The following RGS7 variants were observed in gnomAD, a reference collection of about 807,000 sequenced individuals.
RGS7 encodes the protein regulator of G protein signaling 7.
In RGS7, 27 loss-of-function variants were observed where a neutral mutation model predicts 81.1. The ratio of observed to expected loss-of-function variants is 0.33; its 90% CI spans 0.25 to 0.46. RGS7 has a LOEUF of 0.46. RGS7 is among the 20% of genes least tolerant of loss of function. The pLI is 1.00. For synonymous variants in RGS7, 208 were observed against 207.7 expected (o/e 1.00, Z -0.01); for missense variants, 396 against 607.4 (o/e 0.65, Z 3.66).
chr1:241,269,064 T>C (rs960534981), intron 2 of RGS7, among the ~76,000 whole-genome samples: 1 of 152,250 alleles, frequency 6.6e-6, no homozygotes, highest in Non-Finnish European at 1.5e-5. Flanking sequence ...GAGATTCTGA[T>C]TAATTATACA....
intron 2 of RGS7, among the ~76,000 whole-genome samples, chr1:241,318,686 G>A (rs1455327818): frequency 6.6e-6 from 1 of 152,034 alleles, no homozygotes; most frequent in Admixed American, 6.6e-5. Flanking sequence ...ATGTTGGTCA[G>A]GCTGGTCTCG....
intron 2 of RGS7, among the ~76,000 whole-genome samples, chr1:241,108,086 A>T (rs2065245942): frequency 9.5e-6 from 1 of 105,072 alleles, no homozygotes; most frequent in Non-Finnish European, 1.7e-5. Context: ...CAAGGTCAGG[A>T]GTTTGAGACC....
At chr1:241,092,763 C>A (rs1261311956) in intron 3 of RGS7, among the ~76,000 whole-genome samples, 2 of 151,958 alleles carry the variant, frequency 1.3e-5, no homozygotes, top group Non-Finnish European at 2.9e-5. Context: ...TTCTCAGATG[C>A]CTCTTCAGGA....
At chr1:241,033,359 C>G (rs1172566040) in intron 3 of RGS7, among the ~76,000 whole-genome samples, 1 of 151,960 alleles carries the variant, frequency 6.6e-6, no homozygotes, top group Non-Finnish European at 1.5e-5. Flanking sequence ...TAAAAAAAAG[C>G]TGGCTGGGGG....
In RGS7 at chr1:241,258,776, A is replaced by G. The variant is rs563148489; in HGVS notation, c.78+96923T>C. On this transcript the variant is annotated intron_variant, in intron 2 of 18. Transcript: ENST00000440928. ...AGCAAAAATTCAGGAGGGAAAAACTATTCAGATGGTCTTCTACGGGAGGCA... is the reference window on the plus strand; with the variant it reads ...AGCAAAAATTCAGGAGGGAAAAACTGTTCAGATGGTCTTCTACGGGAGGCA... 2.0e-5 allele frequency among the ~76,000 whole-genome samples: 3 copies of G among 152,320 alleles called. No individual in the cohort carries two copies. The South Asian group carries it at 6.2e-4, about 32-fold the overall frequency.
At chr1:240,817,743 C>T (rs1217701027) in intron 10 of RGS7, among the ~76,000 whole-genome samples, 1 of 152,176 alleles carries the variant, frequency 6.6e-6, no homozygotes, top group Non-Finnish European at 1.5e-5. Context: ...GCTGAGATTA[C>T]AGGCACGTGC....
intron 2 of RGS7, among the ~76,000 whole-genome samples, chr1:241,132,831 C>T (rs891545847): frequency 2.6e-5 from 4 of 152,128 alleles, no homozygotes; most frequent in Non-Finnish European, 5.9e-5. Context: ...GGCACAATCT[C>T]GGCTCACTGC....
intron 9 of RGS7, among the ~76,000 whole-genome samples, chr1:240,860,917 C>T (rs1454707105): frequency 6.6e-6 from 1 of 152,172 alleles, no homozygotes; most frequent in Non-Finnish European, 1.5e-5. Flanking sequence ...CTAAAACAAA[C>T]TCACTGTTCC....
chr1:240,968,927 C>T (rs143557909), intron 4 of RGS7, among the ~76,000 whole-genome samples: 1 of 152,128 alleles, frequency 6.6e-6, no homozygotes, highest in Non-Finnish European at 1.5e-5. Flanking sequence ...GGGGGAAAAC[C>T]TAACTCATTC....
At position 241,221,009 on chromosome 1, in the gene RGS7, G is replaced by GA. The variant is rs1467688499; in HGVS notation, c.79-122248_79-122247insT. Reference sequence around the variant, plus strand: ...AGGAAGGAAGGAAGAGAGAGAGAAAGGAAGGAAGGAAGGAAGGAAGGAAGG... The same window carrying GA: ...AGGAAGGAAGGAAGAGAGAGAGAAAGAGAAGGAAGGAAGGAAGGAAGGAAGG... On this transcript the variant is annotated intron_variant, in intron 2 of 18. Coordinates refer to ENST00000440928, the MANE Select transcript of RGS7 (RefSeq NM_001364886.1). 1.9e-3 allele frequency among the ~76,000 whole-genome samples: 74 copies of GA among 39,464 alleles called. 1 individual carries two copies. Among genetic ancestry groups the GA allele is most frequent in the Middle Eastern group, 0.012 (1 of 84 alleles). The allele number at this position is 39,464 out of a possible 152,430, so 25.9% of individuals were successfully genotyped here. A position where few individuals can be genotyped will look rare whatever the true frequency, so the allele number is the denominator to read the frequency against.
chr1:241,266,194 C>G (rs535542978), intron 2 of RGS7, among the ~76,000 whole-genome samples: 1 of 152,094 alleles, frequency 6.6e-6, no homozygotes, highest in African/African-American at 2.4e-5. Flanking sequence ...TTGTGAGTCA[C>G]AAAAAAATCA....
At chr1:241,220,994 G>GAAGGAAGGAAGGAAGAAAGA (rs1553289421) in intron 2 of RGS7, among the ~76,000 whole-genome samples, 8 of 93,492 alleles carry the variant, frequency 8.6e-5, no homozygotes, top group South Asian at 4.4e-4. Context: ...AGGAAGGAAG[G>GAAGGAAGGAAGGAAGAAAGA]AAGAGAGAGA....
At chr1:240,783,874 G>A (rs1684548912) in intron 18 of RGS7, among the ~76,000 whole-genome samples, 1 of 151,896 alleles carries the variant, frequency 6.6e-6, no homozygotes, top group African/African-American at 2.4e-5. Context: ...TTTTATTGCT[G>A]TCATAAAAAC....
At chr1:240,947,828 T>C (rs1678896585) in intron 4 of RGS7, among the ~76,000 whole-genome samples, 1 of 152,238 alleles carries the variant, frequency 6.6e-6, no homozygotes, top group Admixed American at 6.5e-5. Flanking sequence ...TTACAAGATC[T>C]TATATGATCT....
chr1:241,171,478 G>A (rs537796819), intron 2 of RGS7, among the ~76,000 whole-genome samples: 17 of 152,140 alleles, frequency 1.1e-4, no homozygotes, highest in South Asian at 6.2e-4. Flanking sequence ...TAATTCAATA[G>A]ACTCATTTAT....
At chr1:241,111,606 C>T (rs561858668) in intron 2 of RGS7, among the ~76,000 whole-genome samples, 2 of 149,664 alleles carry the variant, frequency 1.3e-5, no homozygotes, top group East Asian at 1.9e-4. Context: ...CAAGACCCCC[C>T]CTCTCTACAA....
At chr1:241,087,214 C>A (rs1306375414) in intron 3 of RGS7, among the ~76,000 whole-genome samples, 1 of 152,102 alleles carries the variant, frequency 6.6e-6, no homozygotes, top group Admixed American at 6.5e-5. Context: ...ACTTCAGATA[C>A]CCACTTCAAA....
chr1:240,896,080 G>A (rs1212104430), intron 6 of RGS7, among the ~76,000 whole-genome samples: 1 of 152,172 alleles, frequency 6.6e-6, no homozygotes, highest in East Asian at 1.9e-4. Flanking sequence ...CTGCATAAAT[G>A]TCTTCTTTTG....
intron 2 of RGS7, among the ~76,000 whole-genome samples, chr1:241,162,962 T>G (rs1572945808): frequency 6.6e-6 from 1 of 152,132 alleles, no homozygotes; most frequent in Admixed American, 6.5e-5. Flanking sequence ...AGTTCCAGAG[T>G]TGGCACATTG....
Sources: gnomAD v4.1 joint callset for allele counts (sites outside exome capture counted in the v4.1 genomes callset) on GRCh38, gnomAD v4.1.1 for gene constraint, MANE v1.5 for transcripts, NCBI Gene and HGNC (gene_info 2026-07-23, HGNC 2026-07-21) for gene names.